CTBP1: variants seen among roughly 807,000 people sequenced by gnomAD.
CTBP1 encodes the protein C-terminal binding protein 1.
Under a neutral mutation model 42.1 loss-of-function variants are expected in CTBP1, and 11 were observed. The observed-to-expected ratio is 0.26, with a 90% CI of 0.16 to 0.43. The LOEUF (loss-of-function observed/expected upper bound fraction) is 0.43, where lower values mean the gene tolerates loss of function less well. Among genes scored for constraint, CTBP1 ranks in the 20% least tolerant of loss-of-function variants. The probability of loss-of-function intolerance (pLI) is 1.00; values close to 1 mark genes in which losing one functional copy is unlikely to be tolerated. For synonymous variants in CTBP1, 324 were observed against 277.1 expected (o/e 1.17, Z -1.68); for missense variants, 399 against 624.3 (o/e 0.64, Z 3.85).
chr4:1,248,512 G>C (rs1394688475), intron 1 of CTBP1: 5 of 245,912 alleles, frequency 2.0e-5, no homozygotes, highest in Non-Finnish European at 3.2e-5. Context: ...TCCCGGCCCC[G>C]CAGGCCCAGC....
chr4:1,213,595 C>G lies in CTBP1; in HGVS notation c.871G>C (p.Gly291Arg). The G allele has an allele frequency of 6.2e-7, 1 of 1,613,010 alleles. No homozygotes were observed. Among genetic ancestry groups the G allele is most frequent in the Non-Finnish European group, 8.5e-7 (1 of 1,179,854 alleles). The change falls in exon 8 of 10, where the codon GGC becomes CGC. Residue 291 changes from glycine (G) to arginine (R), a missense_variant. Gly to Arg is a moderately radical substitution (Grantham distance 125). Coordinates refer to ENST00000382952, the MANE Select transcript of CTBP1 (RefSeq NM_001012614.2). ...HESEPFSFSQ[G>R]PLKDAPNLIC... ...AGGTTGGGTGCATCCTTCAGAGGGCCCTGGCTAAAGCTGGGAACAGCACAG... is the reference window on the plus strand; with the variant it reads ...AGGTTGGGTGCATCCTTCAGAGGGCGCTGGCTAAAGCTGGGAACAGCACAG...
chr4:1,248,103 C>G (rs1198437421), intron 1 of CTBP1, among the ~76,000 whole-genome samples: 1 of 152,170 alleles, frequency 6.6e-6, no homozygotes, highest in African/African-American at 2.4e-5. Flanking sequence ...CGGCTCGGGC[C>G]GGCCCAGGAC....
intron 2 of CTBP1, among the ~76,000 whole-genome samples, chr4:1,239,724 T>C (rs1731959092): frequency 6.6e-6 from 1 of 152,240 alleles, no homozygotes; most frequent in Non-Finnish European, 1.5e-5. Context: ...GCTGGGCCCA[T>C]GCCCCTCCCG....
rs1035469329 is a variant in CTBP1, at chr4:1,247,394, C to G, written c.-189+1522G>C. On this transcript the variant is annotated intron_variant, in intron 1 of 9. Transcript: ENST00000382952. The stretch of plus-strand genomic sequence containing the variant: ...AATCACAGAGAGCAAAAGGCGTCTG[C>G]GGAGCCGACAGCCCCAACCAGGAGC... Among the ~76,000 whole-genome samples, 8 of 151,998 alleles carry G rather than the reference C, an allele frequency of 5.3e-5. 1 individual carries two copies. The highest frequency in any genetic ancestry group is 3.3e-4 in the Admixed American group (5 of 15,260).
At position 1,235,837 on chromosome 4, in the gene CTBP1, G is replaced by T. The variant is rs1349799112; in HGVS notation, c.162+2346C>A. 2 of 152,248 alleles carry T rather than the reference G, an allele frequency of 1.3e-5. No homozygotes were observed. The allele number at this position is 152,248 out of a possible 1,614,324, so 9.4% of individuals were successfully genotyped here. A position where few individuals can be genotyped will look rare whatever the true frequency, so the allele number is the denominator to read the frequency against. Reference sequence around the variant, plus strand: ...GTAGAAATGACCCGAGGCCTCGGCTGACGCTGTCTTCCTCTAAAGGGGCCG... The same window carrying T: ...GTAGAAATGACCCGAGGCCTCGGCTTACGCTGTCTTCCTCTAAAGGGGCCG... On this transcript the variant is annotated intron_variant, in intron 3 of 9. Transcript: ENST00000382952. The surrounding 1 kb of genome is among the most constrained non-coding windows in gnomAD (Gnocchi z 4.2).
In CTBP1 at chr4:1,211,581, C is replaced by G. The variant is rs544035199; in HGVS notation, c.*659G>C. The G allele has an allele frequency of 2.0e-5, 3 of 152,442 alleles. No homozygotes were observed. Among genetic ancestry groups the G allele is most frequent in the African/African-American group, 7.2e-5 (3 of 41,440 alleles). The allele number at this position is 152,442 out of a possible 1,614,324, so 9.4% of individuals were successfully genotyped here. ...TGGTGCAGGCGGGGACGCTGCCACCCTCCACGTCCCCAGGACAGACGTCGA... is the reference window on the plus strand; with the variant it reads ...TGGTGCAGGCGGGGACGCTGCCACCGTCCACGTCCCCAGGACAGACGTCGA... On this transcript the variant is annotated 3_prime_UTR_variant, in exon 10 of 10. Transcript: ENST00000382952.
intron 5 of CTBP1, among the ~76,000 whole-genome samples, chr4:1,220,341 G>A (rs1389568729): frequency 6.6e-6 from 1 of 150,978 alleles, no homozygotes; most frequent in Admixed American, 6.6e-5. Flanking sequence ...CATTACAAAT[G>A]CCAAATGCCT....
chr4:1,247,716 G>C (rs1732866553), intron 1 of CTBP1, among the ~76,000 whole-genome samples: 1 of 150,532 alleles, frequency 6.6e-6, no homozygotes, highest in South Asian at 2.1e-4. Flanking sequence ...TTCTTCCCGA[G>C]GGACGTGTGC....
In CTBP1 at chr4:1,237,369, C is replaced by A. The variant is rs371341013; in HGVS notation, c.162+814G>T. ...GGGCTCAGGGAAAACCCCATGTCCACCTCCTGATGGGGCTCAGGGAAAACC... is the reference window on the plus strand; with the variant it reads ...GGGCTCAGGGAAAACCCCATGTCCAACTCCTGATGGGGCTCAGGGAAAACC... On this transcript the variant is annotated intron_variant, in intron 3 of 9. Coordinates refer to ENST00000382952, the MANE Select transcript of CTBP1 (RefSeq NM_001012614.2). 26 of 678,642 alleles carry A rather than the reference C, an allele frequency of 3.8e-5. No individual in the cohort carries two copies. In the African/African-American group the frequency reaches 4.6e-4, roughly 12 times the overall value. 42.0% of individuals were successfully genotyped at this position (678,642 alleles called of 1,614,324 possible).
In CTBP1 at chr4:1,233,794, C is replaced by T. The variant is rs1055150125; in HGVS notation, c.162+4389G>A. On this transcript the variant is annotated intron_variant, in intron 3 of 9. Transcript: ENST00000382952. The surrounding 1 kb of genome is among the most constrained non-coding windows in gnomAD (Gnocchi z 4.6). ...TCCCTCCACGGCACTCAGACGGCGGCGACCTCCAACCAGCTATGCGGGAAG... is the reference window on the plus strand; with the variant it reads ...TCCCTCCACGGCACTCAGACGGCGGTGACCTCCAACCAGCTATGCGGGAAG... Among the ~76,000 whole-genome samples, 10 of 152,234 alleles carry T rather than the reference C, an allele frequency of 6.6e-5. No individual in the cohort carries two copies. Among genetic ancestry groups the T allele is most frequent in the Admixed American group, 5.2e-4 (8 of 15,288 alleles).
intron 1 of CTBP1, chr4:1,244,639 C>T (rs1278289207): frequency 1.0e-6 from 1 of 985,274 alleles, no homozygotes; most frequent in African/African-American, 1.7e-5. Context: ...AGCCGCTGCC[C>T]AGGAAGGGCT....
intron 5 of CTBP1, chr4:1,217,081 G>A (rs1243183851): frequency 6.6e-6 from 1 of 152,446 alleles, no homozygotes; most frequent in Non-Finnish European, 1.5e-5. Flanking sequence ...GACATAAGGG[G>A]ACAGGAAGGG....
intron 1 of CTBP1, chr4:1,245,198 A>C (rs995851796): frequency 2.0e-6 from 2 of 985,078 alleles, no homozygotes; most frequent in Non-Finnish European, 1.2e-6. Context: ...GAGCCACCGC[A>C]CTCCACGGGG....
At chr4:1,247,853 G>A (rs1732898624) in intron 1 of CTBP1, among the ~76,000 whole-genome samples, 1 of 152,308 alleles carries the variant, frequency 6.6e-6, no homozygotes, top group East Asian at 1.9e-4. Flanking sequence ...CAACTCTCAG[G>A]GTTTCACCTC....
chr4:1,242,881 C>T (rs758620329), intron 1 of CTBP1: 34 of 985,304 alleles, frequency 3.5e-5, no homozygotes, highest in East Asian at 1.1e-4. Context: ...CAAGGCACCG[C>T]GCCACCCACG....
chr4:1,225,129 T>C (rs183055103), intron 5 of CTBP1, among the ~76,000 whole-genome samples: 130 of 152,036 alleles, frequency 8.6e-4, no homozygotes, highest in African/African-American at 3.0e-3. Flanking sequence ...CCGTGTACGT[T>C]ATCTGTGTGT....
chr4:1,248,059 C>A (rs1732926279), intron 1 of CTBP1, among the ~76,000 whole-genome samples: 1 of 152,240 alleles, frequency 6.6e-6, no homozygotes, highest in Admixed American at 6.5e-5. Flanking sequence ...TCTGCCTTTG[C>A]AGCCGGGTCG....
chr4:1,227,065 C>T (rs1446776997), intron 4 of CTBP1, among the ~76,000 whole-genome samples: 1 of 152,058 alleles, frequency 6.6e-6, no homozygotes, highest in Non-Finnish European at 1.5e-5. Flanking sequence ...TGGCAGAAAA[C>T]AGAAAGTGCG....
chr4:1,225,983 G>A (rs760526582), intron 4 of CTBP1, among the ~76,000 whole-genome samples: 2 of 151,980 alleles, frequency 1.3e-5, no homozygotes, highest in East Asian at 1.9e-4. Flanking sequence ...TGCCGGCCCC[G>A]CCTGCACACC....
Sources: gnomAD v4.1 joint callset for allele counts (sites outside exome capture counted in the v4.1 genomes callset) on GRCh38, gnomAD v4.1.1 for gene constraint, Gnocchi (gnomAD v3.1) non-coding constraint, MANE v1.5 for transcripts, NCBI Gene and HGNC (gene_info 2026-07-23, HGNC 2026-07-21) for gene names.